CACNA1C: variants seen among roughly 807,000 people sequenced by gnomAD.
The protein encoded by CACNA1C is voltage-dependent L-type calcium channel subunit alpha-1C.
In CACNA1C, 30 loss-of-function variants were observed where a neutral mutation model predicts 229.0. The observed-to-expected ratio is 0.13, with a 90% confidence interval of 0.10 to 0.18. The LOEUF (loss-of-function observed/expected upper bound fraction) is 0.18. Ranked by LOEUF, CACNA1C falls within the 10% of genes least tolerant of loss-of-function variation. The pLI, the probability that CACNA1C is intolerant of heterozygous loss-of-function variation, is 1.00. For missense variants in CACNA1C, 1,658 were observed against 2,845.0 expected, an observed-to-expected ratio of 0.58 and a Z score of 9.49; for synonymous variants, 1,114 against 1,132.5, an observed-to-expected ratio of 0.98 and a Z score of 0.33.
At chr12:2,626,771 C>T (rs1300233334) in intron 29 of CACNA1C, among the ~76,000 whole-genome samples, 2 of 152,116 alleles carry the variant, frequency 1.3e-5, no homozygotes, top group Non-Finnish European at 2.9e-5. Flanking sequence ...TAACCCATAA[C>T]CCCAAATTTT....
intron 3 of CACNA1C, among the ~76,000 whole-genome samples, chr12:2,311,135 G>A (rs551507929): frequency 1.3e-5 from 2 of 152,322 alleles, no homozygotes; most frequent in South Asian, 4.1e-4. Context: ...CCTGACGTCA[G>A]TAGTTTTGGG....
At chr12:2,072,908 A>G (rs1195357611) in intron 1 of CACNA1C, among the ~76,000 whole-genome samples, 1 of 152,210 alleles carries the variant, frequency 6.6e-6, no homozygotes, top group African/African-American at 2.4e-5. Flanking sequence ...ATAAACAAGC[A>G]TAACCAATTT....
intron 3 of CACNA1C, among the ~76,000 whole-genome samples, chr12:2,130,101 G>A (rs1300908368): frequency 6.6e-6 from 1 of 151,532 alleles, no homozygotes; most frequent in Non-Finnish European, 1.5e-5. Flanking sequence ...AATAATAATA[G>A]CAGCAATAAC....
At chr12:2,112,843 T>C (rs2154132623) in intron 1 of CACNA1C, among the ~76,000 whole-genome samples, 2 of 152,314 alleles carry the variant, frequency 1.3e-5, no homozygotes, top group South Asian at 4.1e-4. Flanking sequence ...TGTCAATCAA[T>C]TGGCATAAAA....
chr12:2,413,621 C>T (rs939670641), intron 3 of CACNA1C, among the ~76,000 whole-genome samples: 1 of 152,242 alleles, frequency 6.6e-6, no homozygotes, highest in Admixed American at 6.5e-5. Flanking sequence ...TGAGGTTTCA[C>T]AGCCCCTCTG....
intron 1 of CACNA1C, among the ~76,000 whole-genome samples, chr12:2,031,309 A>C (rs947003989): frequency 2.0e-5 from 3 of 152,144 alleles, no homozygotes; most frequent in Admixed American, 6.5e-5. Context: ...CGTGGCACTC[A>C]AGAGCTTGTT....
chr12:2,593,137 A>C, intron 18 of CACNA1C, 76 bp from the exon 19 acceptor site: 1 of 1,494,050 alleles, frequency 6.7e-7, no homozygotes, highest in South Asian at 1.2e-5. Flanking sequence ...CATGTCTGCC[A>C]GTAGGAAGGT....
chr12:2,478,889 C>A (rs1597541466), intron 5 of CACNA1C, among the ~76,000 whole-genome samples: 1 of 152,210 alleles, frequency 6.6e-6, no homozygotes. Context: ...GATGGCATAG[C>A]TGTCTGTGGT....
At chr12:2,149,167 A>G (rs1225432524) in intron 3 of CACNA1C, among the ~76,000 whole-genome samples, 1 of 152,118 alleles carries the variant, frequency 6.6e-6, no homozygotes, top group Non-Finnish European at 1.5e-5. Context: ...AGAACTCACA[A>G]AGGATGTTGA....
intron 6 of CACNA1C, among the ~76,000 whole-genome samples, chr12:2,491,707 T>C (rs2099735188): frequency 6.6e-6 from 1 of 152,086 alleles, no homozygotes; most frequent in Non-Finnish European, 1.5e-5. Context: ...ATCGGGCATA[T>C]ATTTTCAAGT....
At chr12:2,560,538 A>G (rs1185606620) in intron 11 of CACNA1C, among the ~76,000 whole-genome samples, 2 of 152,236 alleles carry the variant, frequency 1.3e-5, no homozygotes, top group Non-Finnish European at 2.9e-5. Context: ...GAATAAATGT[A>G]AACAGTTATG....
rs1407192455 is a variant in CACNA1C, at chr12:2,348,738, GA to G, written c.478-100235del. Among the ~76,000 whole-genome samples, 3 of 152,150 alleles carry G rather than the reference GA, an allele frequency of 2.0e-5. No homozygotes were observed. The highest frequency in any genetic ancestry group is 2.0e-4 in the Admixed American group (3 of 15,278). On this transcript the variant is annotated intron_variant, in intron 3 of 46. Coordinates refer to ENST00000399655, the MANE Select transcript of CACNA1C (RefSeq NM_000719.7). This position sits in a 1 kb window ranked among gnomAD's most constrained non-coding sequence, Gnocchi z 4.7. Reference sequence around the variant, plus strand: ...AGAAGGAGCTGGGAATGTCTCGGGGGAAAGGTTCCTTCCTCGGGAACTGGGT... The same window carrying G: ...AGAAGGAGCTGGGAATGTCTCGGGGGAAGGTTCCTTCCTCGGGAACTGGGT...
chr12:2,174,259 G>T (rs762464371), intron 3 of CACNA1C, among the ~76,000 whole-genome samples: 3 of 152,058 alleles, frequency 2.0e-5, no homozygotes, highest in Non-Finnish European at 4.4e-5. Context: ...GCAGGCAGAG[G>T]TGCTTTCTCT....
chr12:2,616,111 C>G (rs1555894486), intron 29 of CACNA1C, among the ~76,000 whole-genome samples: 1 of 152,202 alleles, frequency 6.6e-6, no homozygotes, highest in Non-Finnish European at 1.5e-5. Flanking sequence ...AAGTCTCGGT[C>G]TCCCTTTTTG....
intron 3 of CACNA1C, among the ~76,000 whole-genome samples, chr12:2,178,014 G>A (rs2096720624): frequency 6.6e-6 from 1 of 152,182 alleles, no homozygotes; most frequent in Non-Finnish European, 1.5e-5. Flanking sequence ...AGGGAGGTGA[G>A]GAGCTAGGAG....
chr12:2,359,152 T>C (rs2239058), intron 3 of CACNA1C, among the ~76,000 whole-genome samples: 17,834 of 152,244 alleles, frequency 0.12, 2,151 homozygotes, highest in African/African-American at 0.3. Flanking sequence ...CAGGGGTCAG[T>C]GATGACCCAC....
chr12:2,004,460 G>A (rs756270489), intron 1 of CACNA1C: 1 of 1,588,828 alleles, frequency 6.3e-7, no homozygotes, highest in Non-Finnish European at 8.6e-7. Context: ...ATAGGCACGG[G>A]GCTCTTGGAA....
chr12:2,070,303 T>G (rs2060733367), intron 1 of CACNA1C, among the ~76,000 whole-genome samples: 1 of 152,214 alleles, frequency 6.6e-6, no homozygotes, highest in Non-Finnish European at 1.5e-5. Context: ...AAATCGGGGA[T>G]GCTTTATCTT....
At chr12:2,664,508 C>T (rs967980734) in intron 34 of CACNA1C, among the ~76,000 whole-genome samples, 3 of 152,156 alleles carry the variant, frequency 2.0e-5, no homozygotes, top group African/African-American at 7.2e-5. Flanking sequence ...GAGCATACTC[C>T]TGTACAGCAG....
Sources: gnomAD v4.1 joint callset for allele counts (sites outside exome capture counted in the v4.1 genomes callset) on GRCh38, gnomAD v4.1.1 for gene constraint, Gnocchi (gnomAD v3.1) non-coding constraint, MANE v1.5 for transcripts, NCBI Gene and HGNC (gene_info 2026-07-23, HGNC 2026-07-21) for gene names.